DPP6: variants seen among roughly 807,000 people sequenced by gnomAD.
DPP6 encodes the protein A-type potassium channel modulatory protein DPP6.
In DPP6, 69 loss-of-function variants were observed where a neutral mutation model predicts 122.6. The ratio of observed to expected loss-of-function variants is 0.56; its 90% CI spans 0.46 to 0.69. The LOEUF is 0.69. Among genes scored for constraint, DPP6 ranks in the 30% least tolerant of loss-of-function variants. The pLI, the probability that DPP6 is intolerant of heterozygous loss-of-function variation, is 0.00. For missense variants in DPP6, 928 were observed against 1,116.9 expected (o/e 0.83, Z 2.41); for synonymous variants, 418 against 433.1 (o/e 0.97, Z 0.43).
chr7:154,066,117 T>C (rs900109252), intron 1 of DPP6, among the ~76,000 whole-genome samples: 4 of 150,916 alleles, frequency 2.7e-5, no homozygotes, highest in Non-Finnish European at 4.4e-5. Flanking sequence ...TGGAGTGCAG[T>C]GATACAAACT....
At chr7:153,803,910 A>G in the DPP6 span, among the ~76,000 whole-genome samples, 1 of 149,668 alleles carries the variant, frequency 6.7e-6, no homozygotes, top group Non-Finnish European at 1.5e-5. Context: ...TGTTTCTTTG[A>G]AGGACCCTAA....
At chr7:154,513,566 T>C (rs1037570021) in intron 3 of DPP6, among the ~76,000 whole-genome samples, 2 of 152,174 alleles carry the variant, frequency 1.3e-5, no homozygotes, top group African/African-American at 4.8e-5. Flanking sequence ...GCAGGAACTC[T>C]AGGGGTGAAG....
chr7:154,556,487 AACTC>A (rs1250376183), intron 4 of DPP6, among the ~76,000 whole-genome samples: 1 of 152,234 alleles, frequency 6.6e-6, no homozygotes, highest in Non-Finnish European at 1.5e-5. Flanking sequence ...TGGCATAACT[AACTC>A]TTCATCTACA....
chr7:154,683,743 C>T (rs1429171920), intron 7 of DPP6, among the ~76,000 whole-genome samples: 1 of 152,186 alleles, frequency 6.6e-6, no homozygotes, highest in Admixed American at 6.5e-5. Flanking sequence ...ACCTCTCCTG[C>T]CACCCAGTAC....
chr7:154,037,285 C>A lies in DPP6; in HGVS notation c.51+149551C>A, dbSNP rs183024322. On this transcript the variant is annotated intron_variant, in intron 1 of 25. Coordinates refer to the DPP6 transcript ENST00000404039. Reference sequence around the variant, plus strand: ...GTTTATATTCTATGAATTTACTTTCCCCATTGGTATTCCGAAGTGTTCACT... The same window carrying A: ...GTTTATATTCTATGAATTTACTTTCACCATTGGTATTCCGAAGTGTTCACT... Among the ~76,000 whole-genome samples, 51 of 152,178 alleles carry A rather than the reference C, an allele frequency of 3.4e-4. No individual in the cohort carries two copies. The East Asian group carries it at 7.7e-3, about 23-fold the overall frequency.
At chr7:154,588,740 A>G (rs978254086) in intron 5 of DPP6, 3 of 152,334 alleles carry the variant, frequency 2.0e-5, no homozygotes, top group South Asian at 4.1e-4. Flanking sequence ...GTCTTTCTCC[A>G]TGTGTCTGAA....
intron 6 of DPP6, among the ~76,000 whole-genome samples, chr7:154,662,504 C>T (rs1837792780): frequency 2.4e-5 from 1 of 41,916 alleles, no homozygotes; most frequent in African/African-American, 6.6e-5. Context: ...ATCACCATGG[C>T]GTATCGGCCG....
At chr7:154,402,785 AAAATAAAAAT>A (rs140984428) in intron 1 of DPP6, among the ~76,000 whole-genome samples, 6,809 of 151,846 alleles carry the variant, frequency 0.045, 506 homozygotes, top group African/African-American at 0.16. Context: ...AATAAAAATA[AAAATAAAAAT>A]AAAACTCTGG....
intron 1 of DPP6, among the ~76,000 whole-genome samples, chr7:153,970,168 TTTTTATTC>T (rs1268537251): frequency 6.6e-6 from 1 of 152,206 alleles, no homozygotes; most frequent in African/African-American, 2.4e-5. Context: ...TCTGTGAAAA[TTTTTATTC>T]TTTTAGCAAA....
chr7:154,547,132 G>A (rs539281135), intron 4 of DPP6, among the ~76,000 whole-genome samples: 4 of 152,244 alleles, frequency 2.6e-5, no homozygotes, highest in Admixed American at 6.5e-5. Flanking sequence ...GCTCAGCCTC[G>A]GTTTCAGCTC....
chr7:154,303,902 G>GT (rs1806081119), intron 1 of DPP6, among the ~76,000 whole-genome samples: 1 of 152,170 alleles, frequency 6.6e-6, no homozygotes, highest in South Asian at 2.1e-4. Flanking sequence ...TGGCTGGTTT[G>GT]TTTTTGTAAA....
At chr7:154,064,152 A>G (rs1385556247) in intron 1 of DPP6, among the ~76,000 whole-genome samples, 3 of 152,010 alleles carry the variant, frequency 2.0e-5, no homozygotes, top group African/African-American at 7.3e-5. Context: ...TCTACCCTGT[A>G]CCCCCATACA....
At chr7:154,419,248 T>A (rs1817262246) in intron 1 of DPP6, among the ~76,000 whole-genome samples, 1 of 152,204 alleles carries the variant, frequency 6.6e-6, no homozygotes, top group South Asian at 2.1e-4. Context: ...CTTCTTAAAA[T>A]GCCAGCTCAT....
chr7:154,070,877 A>G (rs1410597847), intron 1 of DPP6, among the ~76,000 whole-genome samples: 5 of 152,236 alleles, frequency 3.3e-5, no homozygotes, highest in Admixed American at 2.0e-4. Context: ...GTATGGCATG[A>G]ATAGCTGTTC....
chr7:154,740,706 T>C (rs1842777822), intron 8 of DPP6, among the ~76,000 whole-genome samples: 1 of 152,188 alleles, frequency 6.6e-6, no homozygotes, highest in South Asian at 2.1e-4. Context: ...TTAGTAAACA[T>C]ACGGGAGCAA....
At chr7:154,706,444 CA>C (rs1840834801) in intron 7 of DPP6, among the ~76,000 whole-genome samples, 1 of 152,166 alleles carries the variant, frequency 6.6e-6, no homozygotes, top group South Asian at 2.1e-4. Context: ...TTCCTCCCAG[CA>C]ATTCCCAGAC....
chr7:154,352,653 C>T (rs1586028086), intron 1 of DPP6, among the ~76,000 whole-genome samples: 1 of 149,444 alleles, frequency 6.7e-6, no homozygotes, highest in East Asian at 2.0e-4. Flanking sequence ...GGGAGGGGAA[C>T]ATCATACACT....
At chr7:154,083,082 C>T (rs943643937) in intron 1 of DPP6, among the ~76,000 whole-genome samples, 33 of 152,152 alleles carry the variant, frequency 2.2e-4, no homozygotes, top group Middle Eastern at 3.4e-3. Flanking sequence ...ATCTCCTGAC[C>T]TCGTGATCCG....
intron 1 of DPP6, among the ~76,000 whole-genome samples, chr7:154,053,343 C>G (rs886874180): frequency 2.0e-5 from 3 of 152,100 alleles, no homozygotes; most frequent in East Asian, 1.9e-4. Context: ...ATTCGCCTTA[C>G]GTTCCCTGGG....
Sources: gnomAD v4.1 joint callset for allele counts (sites outside exome capture counted in the v4.1 genomes callset) on GRCh38, gnomAD v4.1.1 for gene constraint, MANE v1.5 for transcripts, NCBI Gene and HGNC (gene_info 2026-07-23, HGNC 2026-07-21) for gene names.